The following ENSA variants were observed in gnomAD, a reference collection of about 807,000 sequenced individuals.
ENSA encodes endosulfine alpha.
Under a neutral mutation model 16.8 loss-of-function variants are expected in ENSA, and 7 were observed. That is an observed-to-expected ratio of 0.42 (90% CI 0.24 to 0.78). The LOEUF is 0.78. Ranked by LOEUF, ENSA falls within the 30% of genes least tolerant of loss-of-function variation. The probability of loss-of-function intolerance (pLI) is 0.29; values close to 1 mark genes in which losing one functional copy is unlikely to be tolerated. For missense variants in ENSA, 87 were observed against 142.3 expected (o/e 0.61, Z 1.98); for synonymous variants, 58 against 53.4 (o/e 1.09, Z -0.37).
At chr1:150,626,577 G>C in intron 2 of ENSA, 1 of 1,429,232 alleles carries the variant, frequency 7.0e-7, no homozygotes, top group Non-Finnish European at 9.8e-7. Context: ...TTTTTTTTGA[G>C]ATGGAGCCTC....
At position 150,629,566 on chromosome 1, in the gene ENSA, G is replaced by A; in HGVS notation, c.-96C>T. The stretch of plus-strand genomic sequence containing the variant: ...GGGGACAACCTGCGCTGCTGCTTCG[G>A]CTCCTGTCACTAGGGTTGCTCAGTC... On this transcript the variant is annotated 5_prime_UTR_variant, in exon 1 of 4. Transcript: ENST00000369014. The A allele has an allele frequency of 2.0e-6, 3 of 1,485,268 alleles. No homozygotes were observed. The East Asian group carries it at 6.8e-5, about 34-fold the overall frequency. 92.0% of individuals were successfully genotyped at this position (1,485,268 alleles called of 1,614,324 possible).
intron 3 of ENSA, chr1:150,624,577 A>G: frequency 2.0e-6 from 2 of 978,228 alleles, no homozygotes; most frequent in Non-Finnish European, 2.4e-6. Context: ...CTTCCTAAGT[A>G]TTTTTTTTTG....
chr1:150,624,809 T>C (rs1649187289), intron 3 of ENSA: 1 of 984,132 alleles, frequency 1.0e-6, no homozygotes, highest in African/African-American at 1.7e-5. Context: ...AGAATCAGAA[T>C]CAATCTTACA....
At chr1:150,624,375 C>T in intron 3 of ENSA, 1 of 985,926 alleles carries the variant, frequency 1.0e-6, no homozygotes, top group Non-Finnish European at 1.2e-6. Context: ...GCTCAGTTTA[C>T]CCTTCTTCCT....
intron 3 of ENSA, chr1:150,624,282 C>T: frequency 1.0e-6 from 1 of 985,974 alleles, no homozygotes; most frequent in South Asian, 4.7e-5. Context: ...TCCCTAACCA[C>T]TTTCCCCAGC....
intron 3 of ENSA, 30 bp from the exon 4 acceptor site, chr1:150,622,889 A>G: frequency 6.5e-7 from 1 of 1,546,844 alleles, no homozygotes; most frequent in Admixed American, 2.0e-5. Flanking sequence ...AAAAAAAAAA[A>G]AAACAACACT....
intron 1 of ENSA, 55 bp from the exon 2 acceptor site, chr1:150,627,647 C>T (rs1649444026): frequency 6.4e-7 from 1 of 1,555,778 alleles, no homozygotes; most frequent in Non-Finnish European, 8.7e-7. Flanking sequence ...AACAGCTTCT[C>T]ACATCTGATA....
intron 1 of ENSA, chr1:150,628,922 T>C (rs979596184): frequency 4.7e-6 from 4 of 859,338 alleles, no homozygotes; most frequent in Admixed American, 2.5e-5. Flanking sequence ...CTTGAGAAAG[T>C]TGCCGCCTTA....
chr1:150,628,378 G>C (rs2101749946), intron 1 of ENSA, among the ~76,000 whole-genome samples: 1 of 152,078 alleles, frequency 6.6e-6, no homozygotes, highest in Non-Finnish European at 1.5e-5. Context: ...AAATGATACT[G>C]TTTTTAACCT....
At chr1:150,629,324 A>G (rs1388666343) in intron 1 of ENSA, 90 bp downstream of exon 1, 24 of 1,555,146 alleles carry the variant, frequency 1.5e-5, no homozygotes, top group Non-Finnish European at 2.0e-5. Flanking sequence ...GGAGCCTGAG[A>G]CCATGGCGAC....
In ENSA at chr1:150,622,470, T is replaced by G. The variant is rs1649033426; in HGVS notation, c.*374A>C. The G allele has an allele frequency of 3.9e-6, 1 of 253,456 alleles. No individual in the cohort carries two copies. Among genetic ancestry groups the G allele is most frequent in the East Asian group, 7.3e-5 (1 of 13,666 alleles). 15.7% of individuals were successfully genotyped at this position (253,456 alleles called of 1,614,324 possible). On this transcript the variant is annotated 3_prime_UTR_variant, in exon 4 of 4. Coordinates refer to ENST00000369014, the MANE Select transcript of ENSA (RefSeq NM_004436.4). ...TACTCCACTTCCTTCCCCTCATACCTACCCCACATCAGCCACGTGGTTAAG... is the reference window on the plus strand; with the variant it reads ...TACTCCACTTCCTTCCCCTCATACCGACCCCACATCAGCCACGTGGTTAAG...
chr1:150,626,429 T>C (rs1410630456), intron 2 of ENSA: 3 of 1,567,526 alleles, frequency 1.9e-6, no homozygotes, highest in East Asian at 2.2e-5. Flanking sequence ...CATTATCATC[T>C]GTGACTAAGA....
chr1:150,622,738 C>A lies in ENSA; in HGVS notation c.*106G>T, dbSNP rs1649047325. Reference sequence around the variant, plus strand: ...CCTCTCCAGCCCACACCCGAGCCACCTCCTGACCCCTGGCTGCAAAAGCAG... The same window carrying A: ...CCTCTCCAGCCCACACCCGAGCCACATCCTGACCCCTGGCTGCAAAAGCAG... On this transcript the variant is annotated 3_prime_UTR_variant, in exon 4 of 4. Coordinates refer to ENST00000369014, the MANE Select transcript of ENSA (RefSeq NM_004436.4). The A allele has an allele frequency of 1.5e-6, 2 of 1,339,222 alleles. No homozygotes were observed. Among genetic ancestry groups the A allele is most frequent in the East Asian group, 5.1e-5 (2 of 39,312 alleles). 83.0% of individuals were successfully genotyped at this position (1,339,222 alleles called of 1,614,324 possible). A position where few individuals can be genotyped will look rare whatever the true frequency, so the allele number is the denominator to read the frequency against.
At chr1:150,623,879 A>G (rs1649125649) in intron 3 of ENSA, 8 of 985,616 alleles carry the variant, frequency 8.1e-6, no homozygotes, top group Non-Finnish European at 9.6e-6. Flanking sequence ...TCTCCTATCC[A>G]ATTTGAATGA....
intron 1 of ENSA, 194 bp downstream of exon 1, chr1:150,629,220 G>A: frequency 6.4e-7 from 1 of 1,561,102 alleles, no homozygotes; most frequent in Non-Finnish European, 8.8e-7. Flanking sequence ...GAAGAGTACA[G>A]TACTGAGTGA....
chr1:150,626,462 A>G, intron 2 of ENSA: 1 of 1,608,628 alleles, frequency 6.2e-7, no homozygotes, highest in East Asian at 2.2e-5. Context: ...GATCCTCCAC[A>G]GGGATGTTTC....
chr1:150,629,553 CGCT>C lies in ENSA; in HGVS notation c.-86_-84del. On this transcript the variant is annotated 5_prime_UTR_variant, in exon 1 of 4. Transcript: ENST00000369014. ...GGGGAGGGGAAACGGGGACAACCTG[CGCT>C]GCTGCTTCGGCTCCTGTCACTAGGG... 2 of 1,534,294 alleles carry C rather than the reference CGCT, an allele frequency of 1.3e-6. No homozygotes were observed. The highest frequency in any genetic ancestry group is 1.8e-6 in the Non-Finnish European group (2 of 1,129,704).
chr1:150,626,510 T>A (rs752318913), intron 2 of ENSA: 1 of 1,613,838 alleles, frequency 6.2e-7, no homozygotes, highest in Non-Finnish European at 8.5e-7. Flanking sequence ...CACACTCCAA[T>A]GTAATGATTT....
Position 150,625,729 on chromosome 1 carries a change from T to C in ENSA, c.263A>G (p.Asp88Gly). 1 of 1,613,164 alleles carries C rather than the reference T, an allele frequency of 6.2e-7. No homozygotes were observed. The highest frequency in any genetic ancestry group is 8.5e-7 in the Non-Finnish European group (1 of 1,179,620). Reference protein sequence around the residue: ...KNKQLPSAGPDKNLVTGDHIP... With the variant: ...KNKQLPSAGPGKNLVTGDHIP... ...GTGATCACCAGTCACCAGGTTCTTG[T>C]CTGGTCCTGCACTTGGCAGCTGCTT... The change falls in exon 3 of 4, where the codon GAC becomes GGC. Residue 88 changes from aspartate to glycine, a missense_variant. Physicochemically the swap from Asp to Gly is moderately conservative, Grantham distance 94. Coordinates refer to ENST00000369014, the MANE Select transcript of ENSA (RefSeq NM_004436.4).
Sources: gnomAD v4.1 joint callset for allele counts (sites outside exome capture counted in the v4.1 genomes callset) on GRCh38, gnomAD v4.1.1 for gene constraint, MANE v1.5 for transcripts, NCBI Gene and HGNC (gene_info 2026-07-23, HGNC 2026-07-21) for gene names.